The following PALM2AKAP2 variants were observed in gnomAD, a reference collection of about 807,000 sequenced individuals.
The protein encoded by PALM2AKAP2 is PALM2 and AKAP2 fusion.
Under a neutral mutation model 71.5 loss-of-function variants are expected in PALM2AKAP2, and 37 were observed. The ratio of observed to expected loss-of-function variants is 0.52; its 90% confidence interval spans 0.40 to 0.68. The LOEUF is 0.68. Among genes scored for constraint, PALM2AKAP2 ranks in the 30% least tolerant of loss-of-function variants. The pLI is 0.00. For missense variants in PALM2AKAP2, 1,224 were observed against 1,191.8 expected, an observed-to-expected ratio of 1.03 and a Z score of -0.40; for synonymous variants, 468 against 478.8, an observed-to-expected ratio of 0.98 and a Z score of 0.29.
chr9:110,133,183 C>T (rs901591812), intron 1 of PALM2AKAP2, among the ~76,000 whole-genome samples: 4 of 152,174 alleles, frequency 2.6e-5, no homozygotes, highest in Admixed American at 2.0e-4. Context: ...CATCATCGAG[C>T]ACTTGAAGTG....
chr9:110,101,375 A>C (rs1490404801), intron 1 of PALM2AKAP2, among the ~76,000 whole-genome samples: 2 of 151,288 alleles, frequency 1.3e-5, no homozygotes, highest in African/African-American at 4.9e-5. Flanking sequence ...GTGTAGCCAG[A>C]ACCTTTGCTG....
chr9:109,879,706 T>G (rs1021185838), intron 2 of PALM2AKAP2, among the ~76,000 whole-genome samples: 4 of 151,748 alleles, frequency 2.6e-5, no homozygotes, highest in African/African-American at 9.7e-5. Context: ...ATGGTTTTTT[T>G]TTTTTTTTTT....
At chr9:110,094,714 G>T (rs1298596385) in intron 1 of PALM2AKAP2, among the ~76,000 whole-genome samples, 1 of 152,138 alleles carries the variant, frequency 6.6e-6, no homozygotes, top group African/African-American at 2.4e-5. Flanking sequence ...CTTCTCACCA[G>T]GCCCCACCTC....
chr9:109,777,258 C>T (rs934219933), upstream of PALM2AKAP2, among the ~76,000 whole-genome samples: 1 of 152,192 alleles, frequency 6.6e-6, no homozygotes, highest in South Asian at 2.1e-4. Flanking sequence ...TTCCTCCTTC[C>T]CTACTTCGTT....
At chr9:109,684,365 A>T (rs1047338896) in intron 1 of PALM2AKAP2, among the ~76,000 whole-genome samples, 1 of 151,936 alleles carries the variant, frequency 6.6e-6, no homozygotes, top group Non-Finnish European at 1.5e-5. Flanking sequence ...CCCACTCTAG[A>T]CCCCTCTGAA....
At chr9:110,048,682 G>A, upstream of PALM2AKAP2, 2 of 1,526,984 alleles carry the variant, frequency 1.3e-6, no homozygotes. Context: ...CGCGCCCGGA[G>A]GCTACCACTC....
intron 1 of PALM2AKAP2, among the ~76,000 whole-genome samples, chr9:109,807,292 A>G (rs943556003): frequency 6.6e-6 from 1 of 152,204 alleles, no homozygotes; most frequent in Non-Finnish European, 1.5e-5. Flanking sequence ...GTTAAGTTCA[A>G]TTTTTGGAGA....
At chr9:109,960,288 C>T (rs564528876) in intron 6 of PALM2AKAP2, among the ~76,000 whole-genome samples, 2 of 152,316 alleles carry the variant, frequency 1.3e-5, no homozygotes, top group East Asian at 1.9e-4. Context: ...GCTATCAGCC[C>T]TCCTCTGCAC....
At chr9:109,972,738 C>T (rs553163695) in intron 6 of PALM2AKAP2, among the ~76,000 whole-genome samples, 5 of 152,338 alleles carry the variant, frequency 3.3e-5, no homozygotes, top group African/African-American at 9.6e-5. Context: ...AATTCTGGTG[C>T]AGTGTTACGA....
At chr9:110,053,527 C>CAAAAAAAAAAAAAAAAAAAAAAAAAAAAA (rs56132919) in intron 1 of PALM2AKAP2, among the ~76,000 whole-genome samples, 1 of 82,876 alleles carries the variant, frequency 1.2e-5, no homozygotes, top group Non-Finnish European at 2.2e-5. Context: ...AACTCTGTCT[C>CAAAAAAAAAAAAAAAAAAAAAAAAAAAAA]AAAAAAAAAA....
At chr9:109,811,213 C>T (rs1391736690) in intron 1 of PALM2AKAP2, among the ~76,000 whole-genome samples, 1 of 152,114 alleles carries the variant, frequency 6.6e-6, no homozygotes, top group African/African-American at 2.4e-5. Flanking sequence ...GGTGCAAGTA[C>T]AGGTAGGCAA....
chr9:110,018,010 G>A (rs1264556792), intron 7 of PALM2AKAP2, among the ~76,000 whole-genome samples: 2 of 152,128 alleles, frequency 1.3e-5, no homozygotes, highest in African/African-American at 4.8e-5. Context: ...ACAGGCGTGA[G>A]TCACCGCTCC....
chr9:109,977,415 G>A (rs529194556), intron 6 of PALM2AKAP2, among the ~76,000 whole-genome samples: 77 of 152,188 alleles, frequency 5.1e-4, no homozygotes, highest in Admixed American at 4.4e-3. Flanking sequence ...TGACTTGCTC[G>A]ACATGCTAGT....
At chr9:109,793,389 G>C (rs1443469199) in intron 1 of PALM2AKAP2, among the ~76,000 whole-genome samples, 1 of 152,204 alleles carries the variant, frequency 6.6e-6, no homozygotes, top group African/African-American at 2.4e-5. Context: ...TGGAATGCTA[G>C]CCTTCAGCAA....
At chr9:110,065,887 C>G (rs1228396951) in intron 1 of PALM2AKAP2, among the ~76,000 whole-genome samples, 2 of 152,128 alleles carry the variant, frequency 1.3e-5, no homozygotes, top group Non-Finnish European at 2.9e-5. Context: ...TCACAATTTC[C>G]TTCCTTTAAA....
chr9:109,693,947 T>A (rs568431884), intron 1 of PALM2AKAP2, among the ~76,000 whole-genome samples: 1 of 152,170 alleles, frequency 6.6e-6, no homozygotes, highest in Admixed American at 6.6e-5. Flanking sequence ...AGGTTTCCTT[T>A]ATTCATTCCA....
rs764199303 is a variant in PALM2AKAP2 at position 109,975,303 on chromosome 9, G to A, written c.497-40651G>A. 9.1e-4 allele frequency among the ~76,000 whole-genome samples: 138 copies of A among 152,150 alleles called. 2 individuals are homozygous for A. Among genetic ancestry groups the A allele is most frequent in the Non-Finnish European group, 2.5e-4 (17 of 68,026 alleles). On this transcript the variant is annotated intron_variant, in intron 6 of 9. Transcript: ENST00000302798. ...AGTCAGTGGCACAAGTCCCAATCCAGGTCCAATGGTCCAAGAACCAGGGGC... is the reference window on the plus strand; with the variant it reads ...AGTCAGTGGCACAAGTCCCAATCCAAGTCCAATGGTCCAAGAACCAGGGGC...
At chr9:109,860,166 G>A (rs935569924) in intron 1 of PALM2AKAP2, among the ~76,000 whole-genome samples, 1 of 152,196 alleles carries the variant, frequency 6.6e-6, no homozygotes, top group Non-Finnish European at 1.5e-5. Context: ...TAGCTGGACA[G>A]GCGATTGGAC....
chr9:110,160,641 C>T (rs950846219), intron 3 of PALM2AKAP2, among the ~76,000 whole-genome samples: 1 of 152,216 alleles, frequency 6.6e-6, no homozygotes, highest in Non-Finnish European at 1.5e-5. Context: ...AATTGTTTCC[C>T]TAACCTGACC....
Sources: allele counts gnomAD v4.1 joint callset (sites outside exome capture counted in the v4.1 genomes callset), GRCh38; gene constraint gnomAD v4.1.1; transcripts MANE v1.5; gene names NCBI Gene and HGNC (gene_info 2026-07-23, HGNC 2026-07-21).